The following PKD1L1 variants were observed in gnomAD, a reference collection of about 807,000 sequenced individuals.
PKD1L1 encodes the protein polycystin 1 like 1, transient receptor potential channel interacting, also known as polycystin-1-like protein 1.
In PKD1L1, 236 loss-of-function variants were observed where a neutral mutation model predicts 323.4. The observed-to-expected ratio is 0.73, with a 90% confidence interval of 0.66 to 0.81. The LOEUF (loss-of-function observed/expected upper bound fraction) is 0.81. Among genes scored for constraint, PKD1L1 ranks in the 40% least tolerant of loss-of-function variants. The pLI is 0.00. For synonymous variants in PKD1L1, 1,344 were observed against 1,335.0 expected (o/e 1.01, Z -0.15); for missense variants, 3,320 against 3,508.0 (o/e 0.95, Z 1.35).
chr7:47,876,783 T>G (rs1786413881), intron 22 of PKD1L1, among the ~76,000 whole-genome samples: 1 of 152,022 alleles, frequency 6.6e-6, no homozygotes, highest in Admixed American at 6.5e-5. Context: ...ATTCATCTTT[T>G]TTTAAATTTT....
Position 47,827,380 on chromosome 7 carries a change from C to T in PKD1L1, c.6824G>A (p.Arg2275Lys). Residue 2275 changes from arginine to lysine, a missense_variant, in exon 45 of 57, where the codon AGG becomes AAG. Coordinates refer to ENST00000289672, the MANE Select transcript of PKD1L1 (RefSeq NM_138295.5). Reference protein sequence around the residue: ...AQLRGTRQRMRRESRTRAALR... With the variant: ...AQLRGTRQRMKRESRTRAALR... ...GGCAGCCCGTGTGCGACTCTCTCTC[C>T]TCATCCTCTGTCTGGTGCCCCTCAG... 4 of 1,613,314 alleles carry T rather than the reference C, an allele frequency of 2.5e-6. No individual in the cohort carries two copies. Among genetic ancestry groups the T allele is most frequent in the Middle Eastern group, 1.7e-4 (1 of 6,056 alleles).
intron 50 of PKD1L1, among the ~76,000 whole-genome samples, 176 bp downstream of exon 50, chr7:47,811,641 T>C (rs1784898183): frequency 6.6e-6 from 1 of 152,204 alleles, no homozygotes; most frequent in Admixed American, 6.5e-5. Flanking sequence ...CTTCTTCGTC[T>C]CATGCCCCAA....
chr7:47,787,453 C>G (rs927916373), intron 56 of PKD1L1, among the ~76,000 whole-genome samples: 1 of 152,128 alleles, frequency 6.6e-6, no homozygotes, highest in African/African-American at 2.4e-5. Context: ...GTCATAAGGG[C>G]AAAGACAGCA....
chr7:47,879,973 G>A (rs188760923), intron 21 of PKD1L1, among the ~76,000 whole-genome samples: 1 of 151,054 alleles, frequency 6.6e-6, no homozygotes, highest in Admixed American at 6.6e-5. Flanking sequence ...AGCCCACTGT[G>A]CTTGTCATAT....
At chr7:47,870,382 G>A (rs1308829257) in intron 24 of PKD1L1, among the ~76,000 whole-genome samples, 1 of 133,172 alleles carries the variant, frequency 7.5e-6, no homozygotes, top group Non-Finnish European at 1.6e-5. Context: ...AAATAAGAGA[G>A]GGAAAAAGAG....
intron 4 of PKD1L1, among the ~76,000 whole-genome samples, chr7:47,933,042 G>A (rs571205386): frequency 6.8e-4 from 103 of 152,170 alleles, no homozygotes; most frequent in Non-Finnish European, 1.2e-3. Context: ...ACCTGCCCCG[G>A]TGCAGAGTAA....
chr7:47,959,779 C>G, the PKD1L1 span, among the ~76,000 whole-genome samples: 3 of 143,510 alleles, frequency 2.1e-5, no homozygotes, highest in African/African-American at 2.6e-5. Context: ...CCAGCCGCCC[C>G]GTCCGGGAGG....
In PKD1L1 at chr7:47,880,792, C is replaced by G; in HGVS notation, c.3456G>C (p.Gln1152His). The G allele has an allele frequency of 6.2e-7, 1 of 1,606,002 alleles. No individual in the cohort carries two copies. Among genetic ancestry groups the G allele is most frequent in the Non-Finnish European group, 8.5e-7 (1 of 1,175,216 alleles). The stretch of plus-strand genomic sequence containing the variant: ...GAGAGTATGGCTTGATTGTCACTGT[C>G]TGTTCTGTAATACCTGCAGAAAAGA... The part of the protein sequence containing the change: ...QGYSSSGITE[Q>H]TVTIKPYSLS... The change falls in exon 21 of 57, where the codon CAG becomes CAC. Residue 1152 changes from glutamine (Q) to histidine (H), a missense_variant. Gln to His is a conservative substitution (Grantham distance 24). Coordinates refer to ENST00000289672, the MANE Select transcript of PKD1L1 (RefSeq NM_138295.5).
the PKD1L1 span, among the ~76,000 whole-genome samples, chr7:47,958,541 T>A: frequency 3.7e-4 from 56 of 152,306 alleles, 1 homozygote; most frequent in South Asian, 2.3e-3. Flanking sequence ...AAGAAGTTTA[T>A]GAACAAGACT....
rs1365918957 is a variant in PKD1L1, at chr7:47,918,282, TA to T, written c.1061-2684del. 2.0e-5 allele frequency among the ~76,000 whole-genome samples: 3 copies of T among 152,250 alleles called. No individual in the cohort carries two copies. The East Asian group carries it at 5.8e-4, about 29-fold the overall frequency. On this transcript the variant is annotated intron_variant, in intron 7 of 56. Coordinates refer to ENST00000289672, the MANE Select transcript of PKD1L1 (RefSeq NM_138295.5). The stretch of plus-strand genomic sequence containing the variant: ...ATAAAAGAAGCACATTATATAATGA[TA>T]AAAGGCCTTGTCCAACAGGAAAATA...
intron 21 of PKD1L1, among the ~76,000 whole-genome samples, chr7:47,878,475 C>T (rs576373262): frequency 6.6e-6 from 1 of 152,318 alleles, no homozygotes; most frequent in Non-Finnish European, 1.5e-5. Context: ...ACAGCAGGTA[C>T]CATCTATTGA....
chr7:47,937,254 G>T (rs1039863324), intron 3 of PKD1L1, among the ~76,000 whole-genome samples: 2 of 98,356 alleles, frequency 2.0e-5, no homozygotes, highest in Non-Finnish European at 2.1e-5. Context: ...GGGACGGGGT[G>T]GGGGTGGGGG....
chr7:47,928,548 C>T lies in PKD1L1; in HGVS notation c.1060+656G>A, dbSNP rs1787698187. Among the ~76,000 whole-genome samples the T allele has an allele frequency of 3.3e-5, 5 of 151,662 alleles. No homozygotes were observed. In the South Asian group the frequency reaches 1.0e-3, roughly 32 times the overall value. On this transcript the variant is annotated intron_variant, in intron 7 of 56. Coordinates refer to ENST00000289672, the MANE Select transcript of PKD1L1 (RefSeq NM_138295.5). ...TTGCGCCACTGCACTCCAGCCTGGG[C>T]AACAGAACAAGATTCTGTCTCAGAA... is the stretch of plus-strand genomic sequence containing the variant.
Position 47,857,793 on chromosome 7 carries a change from C to T in PKD1L1, c.4402G>A (p.Glu1468Lys). 1 of 1,614,174 alleles carries T rather than the reference C, an allele frequency of 6.2e-7. No homozygotes were observed. ...SLNHVSTGQMEFRTLLHYNLQ... is the reference protein window; with the variant it reads ...SLNHVSTGQMKFRTLLHYNLQ... ...TTGTAATGAAGAAGGGTCCGGAACT[C>T]CATCTGCCCAGTGCTAACATGGTTC... Residue 1468 changes from glutamate (E) to lysine (K), a missense_variant, in exon 28 of 57, where the codon GAG becomes AAG. Transcript: ENST00000289672.
Position 47,893,837 on chromosome 7 carries a change from G to A in PKD1L1, c.2453+41C>T, listed in dbSNP as rs752843528. On this transcript the variant is annotated intron_variant, in intron 15 of 56. Transcript: ENST00000289672. ...AGAGCCTGCATTTGCAGAATGCGCG[G>A]TCTGAGTAGCTGCGCAGCTCTGTGT... 5 of 1,590,122 alleles carry A rather than the reference G, an allele frequency of 3.1e-6. No individual in the cohort carries two copies. The African/African-American group carries it at 5.4e-5, about 17-fold the overall frequency.
At chr7:47,912,252 G>A (rs1451332947) in intron 8 of PKD1L1, among the ~76,000 whole-genome samples, 1 of 151,996 alleles carries the variant, frequency 6.6e-6, no homozygotes, top group Admixed American at 6.5e-5. Context: ...CAAAAGAAGG[G>A]ATGCAGAGGA....
At chr7:47,861,724 C>T (rs1016438941) in intron 26 of PKD1L1, among the ~76,000 whole-genome samples, 18 of 151,208 alleles carry the variant, frequency 1.2e-4, no homozygotes, top group South Asian at 6.3e-4. Flanking sequence ...CTACTAAAAA[C>T]ACAAAAATTA....
chr7:47,928,662 C>T (rs1200384320), intron 7 of PKD1L1, among the ~76,000 whole-genome samples: 2 of 152,190 alleles, frequency 1.3e-5, no homozygotes, highest in African/African-American at 4.8e-5. Flanking sequence ...CACTCACCCT[C>T]CACCCCCAAT....
intron 18 of PKD1L1, 48 bp from the exon 19 acceptor site, chr7:47,884,705 C>A: frequency 6.6e-7 from 1 of 1,512,832 alleles, no homozygotes; most frequent in Non-Finnish European, 9.2e-7. Flanking sequence ...ATCACAGAAT[C>A]CCCTGAAATT....
Sources: gnomAD v4.1 joint callset for allele counts (sites outside exome capture counted in the v4.1 genomes callset) on GRCh38, gnomAD v4.1.1 for gene constraint, MANE v1.5 for transcripts, NCBI Gene and HGNC (gene_info 2026-07-23, HGNC 2026-07-21) for gene names.